WWC2: variants seen among roughly 807,000 people sequenced by gnomAD.
WWC2 encodes protein WWC2.
In WWC2, 101 loss-of-function variants were observed where a neutral mutation model predicts 138.5. That is an observed-to-expected ratio of 0.73 (90% CI 0.62 to 0.86). The LOEUF is 0.86. WWC2 is among the 40% of genes least tolerant of loss of function. The pLI is 0.00. For synonymous variants in WWC2, 558 were observed against 538.4 expected (o/e 1.04, Z -0.50); for missense variants, 1,420 against 1,419.4 (o/e 1.00, Z -0.01).
chr4:183,103,107 T>C (rs1163408636), intron 1 of WWC2, among the ~76,000 whole-genome samples: 2 of 152,048 alleles, frequency 1.3e-5, no homozygotes, highest in Non-Finnish European at 1.5e-5. Context: ...CAAAGTGACT[T>C]TCCATTAAAA....
intron 1 of WWC2, among the ~76,000 whole-genome samples, chr4:183,181,013 C>T (rs1412031476): frequency 6.6e-6 from 1 of 152,164 alleles, no homozygotes; most frequent in Non-Finnish European, 1.5e-5. Flanking sequence ...AAAACTTATG[C>T]ACACATTACA....
intron 4 of WWC2, among the ~76,000 whole-genome samples, chr4:183,227,635 A>G (rs1560853829): frequency 1.3e-5 from 2 of 152,128 alleles, no homozygotes; most frequent in African/African-American, 2.4e-5. Context: ...AGTTCTACAA[A>G]TTAATCACGT....
At chr4:183,247,781 A>G (rs1736847257) in intron 6 of WWC2, among the ~76,000 whole-genome samples, 1 of 137,448 alleles carries the variant, frequency 7.3e-6, no homozygotes, top group Admixed American at 7.6e-5. Flanking sequence ...TATACTATAT[A>G]TATATTATAT....
chr4:183,267,590 G>A (rs1160042452), intron 14 of WWC2, among the ~76,000 whole-genome samples: 1 of 152,174 alleles, frequency 6.6e-6, no homozygotes, highest in African/African-American at 2.4e-5. Context: ...CTCACTGTAA[G>A]GGTGCACCTG....
intron 1 of WWC2, among the ~76,000 whole-genome samples, chr4:183,183,263 C>G (rs1230123993): frequency 2.6e-5 from 4 of 152,130 alleles, no homozygotes; most frequent in African/African-American, 9.7e-5. Context: ...GATGTCTTGC[C>G]GCACCTATCA....
At chr4:183,257,683 G>T (rs962004556) in intron 9 of WWC2, among the ~76,000 whole-genome samples, 9 of 152,212 alleles carry the variant, frequency 5.9e-5, no homozygotes, top group African/African-American at 2.2e-4. Flanking sequence ...TTCTGAGGAA[G>T]ACTTCAGGCT....
intron 1 of WWC2, among the ~76,000 whole-genome samples, chr4:183,105,619 T>C (rs184038639): frequency 2.0e-5 from 3 of 152,308 alleles, no homozygotes; most frequent in Admixed American, 2.0e-4. Flanking sequence ...TGCCGGGCGC[T>C]GTGGCTCACG....
In WWC2 at chr4:183,250,750, G is replaced by T. The variant is rs373538534; in HGVS notation, c.953+757G>T. Among the ~76,000 whole-genome samples the T allele has an allele frequency of 3.9e-5, 6 of 152,168 alleles. No individual in the cohort carries two copies. In the South Asian group the frequency reaches 1.0e-3, roughly 26 times the overall value. On this transcript the variant is annotated intron_variant, in intron 8 of 22. Transcript: ENST00000403733. ...CTCATAAGAGCTTTAAAATGCCATT[G>T]GGTTATTATTTAGGAGGACATTGGG...
At chr4:183,176,094 C>T (rs1275042160) in intron 1 of WWC2, among the ~76,000 whole-genome samples, 1 of 152,162 alleles carries the variant, frequency 6.6e-6, no homozygotes, top group African/African-American at 2.4e-5. Context: ...ATCAAACATT[C>T]CTCACATTCC....
chr4:183,306,939 G>C (rs79423819), intron 21 of WWC2, among the ~76,000 whole-genome samples: 2,926 of 143,342 alleles, frequency 0.02, 90 homozygotes, highest in African/African-American at 0.071. Flanking sequence ...TCCTCTGACA[G>C]AAATAAACAG....
At chr4:183,180,300 A>G (rs1220056232) in intron 1 of WWC2, among the ~76,000 whole-genome samples, 1 of 152,060 alleles carries the variant, frequency 6.6e-6, no homozygotes, top group Non-Finnish European at 1.5e-5. Context: ...CCTGCCTCTG[A>G]GCTGTGAAGT....
intron 10 of WWC2, 93 bp downstream of exon 10, chr4:183,259,821 T>G: frequency 1.1e-6 from 1 of 905,728 alleles, no homozygotes; most frequent in Non-Finnish European, 1.7e-6. Flanking sequence ...TCCAACTACT[T>G]TAAATAAAAT....
intron 2 of WWC2, among the ~76,000 whole-genome samples, chr4:183,199,367 A>G (rs891396524): frequency 6.6e-6 from 1 of 152,194 alleles, no homozygotes; most frequent in East Asian, 1.9e-4. Context: ...ATTTGTCTCT[A>G]AACTGCCATG....
intron 1 of WWC2, among the ~76,000 whole-genome samples, chr4:183,167,021 T>C (rs1050985147): frequency 1.3e-5 from 2 of 152,176 alleles, no homozygotes; most frequent in Non-Finnish European, 2.9e-5. Context: ...TCCCAGCCTG[T>C]ATGACGTCAT....
chr4:183,245,389 T>G, intron 5 of WWC2, 27 bp from the exon 6 acceptor site: 1 of 1,486,360 alleles, frequency 6.7e-7, no homozygotes, highest in Non-Finnish European at 8.9e-7. Context: ...TCTTTGATAT[T>G]TTTTCTTTCT....
intron 1 of WWC2, among the ~76,000 whole-genome samples, chr4:183,133,653 C>T (rs1275757732): frequency 2.6e-5 from 4 of 152,106 alleles, no homozygotes; most frequent in Non-Finnish European, 4.4e-5. Flanking sequence ...CCCACCACCA[C>T]GCCCAGCTAA....
At chr4:183,211,631 C>T (rs558980625) in intron 4 of WWC2, among the ~76,000 whole-genome samples, 5 of 152,220 alleles carry the variant, frequency 3.3e-5, no homozygotes, top group East Asian at 1.9e-4. Flanking sequence ...GGGCCCCTTC[C>T]GTTCGATAGA....
At chr4:183,286,509 T>G (rs1006059032) in intron 20 of WWC2, among the ~76,000 whole-genome samples, 8 of 152,170 alleles carry the variant, frequency 5.3e-5, no homozygotes, top group Non-Finnish European at 1.0e-4. Context: ...CTTTAGAAGG[T>G]TAAAACTCAT....
intron 1 of WWC2, among the ~76,000 whole-genome samples, chr4:183,159,729 T>TAAAAA (rs1162694124): frequency 1.2e-4 from 9 of 74,436 alleles, no homozygotes; most frequent in African/African-American, 4.1e-4. Flanking sequence ...TTTTTTTTTT[T>TAAAAA]AAAAAAAAAA....
Sources: gnomAD v4.1 joint callset for allele counts (sites outside exome capture counted in the v4.1 genomes callset) on GRCh38, gnomAD v4.1.1 for gene constraint, MANE v1.5 for transcripts, NCBI Gene and HGNC (gene_info 2026-07-23, HGNC 2026-07-21) for gene names.